Variants in SDK2 observed in about 807,000 individuals in gnomAD.
SDK2 encodes protein sidekick-2.
A neutral mutation model predicts 253.9 loss-of-function variants in SDK2; 105 were observed. The observed-to-expected ratio is 0.41, with a 90% CI of 0.35 to 0.49. The LOEUF is 0.49. Ranked by LOEUF, SDK2 falls within the 20% of genes least tolerant of loss-of-function variation. SDK2 has a pLI of 0.06. For synonymous variants in SDK2, 1,249 were observed against 1,234.9 expected, an observed-to-expected ratio of 1.01 and a Z score of -0.24; for missense variants, 2,608 against 3,003.0, an observed-to-expected ratio of 0.87 and a Z score of 3.07.
At chr17:73,522,509 C>T (rs12451245) in intron 1 of SDK2, among the ~76,000 whole-genome samples, 41,742 of 152,166 alleles carry the variant, frequency 0.27, 6,257 homozygotes, top group East Asian at 0.57. Flanking sequence ...GGTTCTCTGC[C>T]GTCTCTGCTC....
intron 37 of SDK2, among the ~76,000 whole-genome samples, chr17:73,367,358 G>A (rs775268422): frequency 1.3e-5 from 2 of 151,942 alleles, no homozygotes; most frequent in African/African-American, 2.4e-5. Context: ...CTGAGCTCTC[G>A]CCCCATTTTC....
chr17:73,444,168 A>G (rs2063435490), intron 5 of SDK2, among the ~76,000 whole-genome samples: 1 of 152,126 alleles, frequency 6.6e-6, no homozygotes, highest in South Asian at 2.1e-4. Flanking sequence ...CCCTAGTCCA[A>G]GTGACAGACT....
chr17:73,390,743 G>A (rs1241440245), intron 28 of SDK2, among the ~76,000 whole-genome samples: 1 of 152,226 alleles, frequency 6.6e-6, no homozygotes, highest in Non-Finnish European at 1.5e-5. Context: ...CCCAAGTGAA[G>A]AAACTGAGGC....
rs758866229 is a variant in SDK2 at position 73,338,919 on chromosome 17, C to T, written c.6187G>A (p.Val2063Ile). The change falls in exon 45 of 45, where the codon GTC becomes ATC. Residue 2063 changes from valine (V) to isoleucine (I), a missense_variant. By Grantham distance (29) the Val-to-Ile change is conservative. Transcript: ENST00000392650. This position sits in a 1 kb window ranked among gnomAD's most constrained non-coding sequence, Gnocchi z 5.0. ...TGGGCCTTCTGGTGGTTTGAGTCGA[C>T]CTCGTACTCGCTGTCACTTCCCTGG... ...DSQGSDSEYE[V>I]DSNHQKAHSF... The T allele has an allele frequency of 1.9e-6, 3 of 1,614,014 alleles. No individual in the cohort carries two copies. The highest frequency in any genetic ancestry group is 2.5e-6 in the Non-Finnish European group (3 of 1,179,892).
chr17:73,340,127 C>G (rs529283625), intron 44 of SDK2, among the ~76,000 whole-genome samples: 2 of 152,200 alleles, frequency 1.3e-5, no homozygotes, highest in East Asian at 1.9e-4. Flanking sequence ...CCGCCTTGGC[C>G]TCTCAAAGTG....
intron 6 of SDK2, among the ~76,000 whole-genome samples, chr17:73,438,900 G>A (rs919927325): frequency 2.6e-5 from 4 of 152,174 alleles, no homozygotes; most frequent in Admixed American, 6.5e-5. Flanking sequence ...GGGAAACAGC[G>A]GCTTGAGTGA....
intron 1 of SDK2, among the ~76,000 whole-genome samples, chr17:73,621,357 G>C (rs2046130505): frequency 6.6e-6 from 1 of 152,116 alleles, no homozygotes; most frequent in African/African-American, 2.4e-5. Flanking sequence ...ATAGAATCTA[G>C]ATTCTCTCTG....
intron 12 of SDK2, among the ~76,000 whole-genome samples, chr17:73,426,342 C>T (rs1018154333): frequency 6.7e-6 from 1 of 150,238 alleles, no homozygotes; most frequent in East Asian, 2.0e-4. Flanking sequence ...GCTGGGATTA[C>T]AGGCTTGAGC....
At chr17:73,369,353 G>T in intron 36 of SDK2, 1 of 267,626 alleles carries the variant, frequency 3.7e-6, no homozygotes, top group Non-Finnish European at 7.9e-6. Context: ...CGGGCCCGCT[G>T]CACCAGCAGC....
chr17:73,490,522 T>A (rs1022129745), intron 2 of SDK2, among the ~76,000 whole-genome samples: 5 of 137,068 alleles, frequency 3.6e-5, no homozygotes, highest in African/African-American at 5.7e-5. Context: ...GGCCAGGCAG[T>A]GTTTTTTTTT....
intron 40 of SDK2, among the ~76,000 whole-genome samples, chr17:73,356,379 G>C (rs117472872): frequency 2.6e-5 from 4 of 152,174 alleles, no homozygotes; most frequent in African/African-American, 9.6e-5. Flanking sequence ...GGCTCTAGCC[G>C]CCAGCCCCGG....
At chr17:73,559,437 T>C (rs1420827166) in intron 1 of SDK2, among the ~76,000 whole-genome samples, 1 of 152,224 alleles carries the variant, frequency 6.6e-6, no homozygotes, top group Admixed American at 6.5e-5. Flanking sequence ...GTAATGTGTA[T>C]TATAATTCTT....
At chr17:73,595,336 T>C (rs1021517123) in intron 1 of SDK2, among the ~76,000 whole-genome samples, 3 of 152,074 alleles carry the variant, frequency 2.0e-5, no homozygotes, top group Admixed American at 2.0e-4. Flanking sequence ...GAATGCCGTT[T>C]GTGGTGAGAC....
At position 73,483,704 on chromosome 17, in the gene SDK2, TATA is replaced by T. The variant is rs1355815026; in HGVS notation, c.225-11489_225-11487del. 1.2e-3 allele frequency among the ~76,000 whole-genome samples: 80 copies of T among 66,430 alleles called. 1 individual carries two copies. The highest frequency in any genetic ancestry group is 1.8e-3 in the Admixed American group (9 of 5,110). 43.6% of individuals were successfully genotyped at this position (66,430 alleles called of 152,430 possible). A position where few individuals can be genotyped will look rare whatever the true frequency, so the allele number is the denominator to read the frequency against. ...ATATTTATATATATATATATATATA[TATA>T]TTTTTTTTTTTTTTTAGTAGAGTTG... On this transcript the variant is annotated intron_variant, in intron 2 of 44. Transcript: ENST00000392650.
At position 73,398,303 on chromosome 17, in the gene SDK2, C is replaced by G; in HGVS notation, c.3203+17G>C. On this transcript the variant is annotated intron_variant, in intron 23 of 44. Transcript: ENST00000392650. ...AGCCCTGAGGCTGCTGCCTTCTCCCCGGGCCAGTCTCATTACCTGTAGCAG... is the reference window on the plus strand; with the variant it reads ...AGCCCTGAGGCTGCTGCCTTCTCCCGGGGCCAGTCTCATTACCTGTAGCAG... 1 of 1,612,316 alleles carries G rather than the reference C, an allele frequency of 6.2e-7. No homozygotes were observed. The highest frequency in any genetic ancestry group is 1.1e-5 in the South Asian group (1 of 90,924).
chr17:73,501,078 G>A (rs929102628), intron 2 of SDK2, among the ~76,000 whole-genome samples: 1 of 152,208 alleles, frequency 6.6e-6, no homozygotes, highest in Non-Finnish European at 1.5e-5. Flanking sequence ...GGTCAGATGA[G>A]AGAGGCTCCA....
rs143525062 is a variant in SDK2 at position 73,379,531 on chromosome 17, C to T, written c.4781G>A (p.Arg1594Gln). Residue 1594 changes from arginine (R) to glutamine (Q), a missense_variant, in exon 35 of 45, where the codon CGG (arginine) becomes CAG (glutamine). Physicochemically the swap from Arg to Gln is conservative, Grantham distance 43. This residue lies in a region of SDK2 where 1,103 missense variants were observed against 1,143.9 expected (regional missense o/e 0.96). Coordinates refer to ENST00000392650, the MANE Select transcript of SDK2 (RefSeq NM_001144952.2). This position sits in a 1 kb window ranked among gnomAD's most constrained non-coding sequence, Gnocchi z 4.5. ...GTACACGCTCATCCGTATCTCGTAC[C>T]GCCTGTGCTTGTTCAGGTCTGTGGG... Reference protein sequence around the residue: ...YELDNLNKHRRYEIRMSVYNA... With the variant: ...YELDNLNKHRQYEIRMSVYNA... The T allele has an allele frequency of 4.2e-4, 677 of 1,611,818 alleles. No individual in the cohort carries two copies. The highest frequency in any genetic ancestry group is 1.6e-3 in the Admixed American group (94 of 59,816).
At chr17:73,545,985 T>G (rs775466186) in intron 1 of SDK2, among the ~76,000 whole-genome samples, 2 of 151,856 alleles carry the variant, frequency 1.3e-5, no homozygotes, top group Non-Finnish European at 2.9e-5. Flanking sequence ...GGGACTCAGA[T>G]GAGGCCAATC....
chr17:73,642,674 G>A lies in SDK2; in HGVS notation c.64+1351C>T, dbSNP rs1250289206. Reference sequence around the variant, plus strand: ...GCCTCAGTTTCCCTATCTGTTAAATGGCTACTAGAATAAGATGACCTCTGA... The same window carrying A: ...GCCTCAGTTTCCCTATCTGTTAAATAGCTACTAGAATAAGATGACCTCTGA... On this transcript the variant is annotated intron_variant, in intron 1 of 44. Transcript: ENST00000392650. The surrounding 1 kb of genome is among the most constrained non-coding windows in gnomAD (Gnocchi z 4.7). Among the ~76,000 whole-genome samples, 1 of 152,160 alleles carries A rather than the reference G, an allele frequency of 6.6e-6. No homozygotes were observed. The highest frequency in any genetic ancestry group is 1.5e-5 in the Non-Finnish European group (1 of 68,022).
Sources: allele counts gnomAD v4.1 joint callset (sites outside exome capture counted in the v4.1 genomes callset), GRCh38; gene constraint gnomAD v4.1.1; regional missense constraint gnomAD v4.1.1; non-coding constraint Gnocchi (gnomAD v3.1); transcripts MANE v1.5; gene names NCBI Gene and HGNC (gene_info 2026-07-23, HGNC 2026-07-21).